Variants in PDS5B observed in about 807,000 individuals in gnomAD.
The protein encoded by PDS5B is sister chromatid cohesion protein PDS5 homolog B.
PDS5B carries 51 observed loss-of-function variants against 184.1 expected under a neutral mutation model. That is an observed-to-expected ratio of 0.28 (90% CI 0.22 to 0.35). PDS5B has a LOEUF of 0.35. Among genes scored for constraint, PDS5B ranks in the 10% least tolerant of loss-of-function variants. PDS5B has a pLI of 1.00. For missense variants in PDS5B, 1,180 were observed against 1,723.3 expected, an observed-to-expected ratio of 0.68 and a Z score of 5.58; for synonymous variants, 566 against 569.2, an observed-to-expected ratio of 0.99 and a Z score of 0.08.
chr13:32,588,206 C>G (rs542199902), intron 1 of PDS5B, among the ~76,000 whole-genome samples: 74 of 152,138 alleles, frequency 4.9e-4, no homozygotes, highest in Non-Finnish European at 9.1e-4. Context: ...GTTCGTGCAA[C>G]AATTAATCTT....
intron 24 of PDS5B, among the ~76,000 whole-genome samples, chr13:32,748,983 G>T: frequency 6.6e-6 from 1 of 151,628 alleles, no homozygotes; most frequent in African/African-American, 2.4e-5. Context: ...CTTTTTTATT[G>T]TTGGTAAATT....
intron 11 of PDS5B, among the ~76,000 whole-genome samples, chr13:32,684,429 A>T (rs1951330748): frequency 6.6e-6 from 1 of 152,192 alleles, no homozygotes. Flanking sequence ...ATTATAATCA[A>T]CATGGAATAG....
chr13:32,621,397 G>C (rs2058299346), intron 1 of PDS5B, among the ~76,000 whole-genome samples: 1 of 152,190 alleles, frequency 6.6e-6, no homozygotes, highest in Admixed American at 6.5e-5. Context: ...AGCCTGGGAG[G>C]CAGAGGTTGC....
At chr13:32,633,843 C>A (rs2058496440) in intron 1 of PDS5B, among the ~76,000 whole-genome samples, 1 of 152,138 alleles carries the variant, frequency 6.6e-6, no homozygotes, top group Non-Finnish European at 1.5e-5. Context: ...TAGTTGTACT[C>A]TCATTTGTCC....
At chr13:32,663,088 A>C (rs1342201023) in intron 6 of PDS5B, among the ~76,000 whole-genome samples, 1 of 152,172 alleles carries the variant, frequency 6.6e-6, no homozygotes, top group Non-Finnish European at 1.5e-5. Flanking sequence ...CCTATAAAAC[A>C]AAACTCTTCT....
rs71194535 is a variant in PDS5B at position 32,768,792 on chromosome 13, CA to C, written c.3625-1315del. 4.1e-3 allele frequency among the ~76,000 whole-genome samples: 189 copies of C among 46,094 alleles called. 1 individual carries two copies. Among genetic ancestry groups the C allele is most frequent in the Middle Eastern group, 0.014 (1 of 74 alleles). The allele number at this position is 46,094 out of a possible 152,430, so 30.2% of individuals were successfully genotyped here. A position where few individuals can be genotyped will look rare whatever the true frequency, so the allele number is the denominator to read the frequency against. On this transcript the variant is annotated intron_variant, in intron 31 of 34. Coordinates refer to ENST00000315596, the MANE Select transcript of PDS5B (RefSeq NM_015032.4). ...TGGGTGACAGAGCGAGACTCTGTCT[CA>C]AAAAAAAAAAAAAGAAAAAAAAAAA... is the stretch of plus-strand genomic sequence containing the variant.
intron 19 of PDS5B, among the ~76,000 whole-genome samples, chr13:32,716,691 A>C: frequency 8.2e-6 from 1 of 121,960 alleles, no homozygotes; most frequent in Admixed American, 7.9e-5. Flanking sequence ...CCGCCCGGCC[A>C]GCTGCCCCGT....
At chr13:32,720,497 A>C (rs1343703723) in intron 19 of PDS5B, among the ~76,000 whole-genome samples, 1 of 152,240 alleles carries the variant, frequency 6.6e-6, no homozygotes, top group Non-Finnish European at 1.5e-5. Flanking sequence ...GTATAAAGTC[A>C]TGTACTGCAT....
chr13:32,685,145 A>G (rs1371430160), intron 11 of PDS5B, among the ~76,000 whole-genome samples: 2 of 152,194 alleles, frequency 1.3e-5, no homozygotes, highest in Non-Finnish European at 2.9e-5. Flanking sequence ...TGATCATGCC[A>G]TCTCCCTTGT....
chr13:32,684,134 A>C (rs1951323036), intron 11 of PDS5B, 111 bp downstream of exon 11: 1 of 433,874 alleles, frequency 2.3e-6, no homozygotes. Flanking sequence ...AGCCTTTTTT[A>C]GGGGTATGGA....
At position 32,679,911 on chromosome 13, in the gene PDS5B, G is replaced by GTGTGTGTC. The variant is rs1042339754; in HGVS notation, c.1057+987_1057+988insGTCTGTGT. On this transcript the variant is annotated intron_variant, in intron 10 of 34. Coordinates refer to ENST00000315596, the MANE Select transcript of PDS5B (RefSeq NM_015032.4). ...TGTGTGTGTGTGTGTGTGTGTGTGT[G>GTGTGTGTC]TGTGTCTGTTTCTACACCTCCCCTT... 1.6e-3 allele frequency among the ~76,000 whole-genome samples: 234 copies of GTGTGTGTC among 150,496 alleles called. 1 individual carries two copies. The highest frequency in any genetic ancestry group is 5.3e-3 in the African/African-American group (212 of 40,332).
intron 19 of PDS5B, among the ~76,000 whole-genome samples, chr13:32,722,911 G>T (rs536163285): frequency 5.9e-5 from 9 of 152,274 alleles, no homozygotes; most frequent in African/African-American, 2.2e-4. Flanking sequence ...GTCTTGCAGT[G>T]GAAGAAATTA....
At chr13:32,701,201 C>T in intron 16 of PDS5B, 122 bp from the exon 17 acceptor site, 2 of 558,188 alleles carry the variant, frequency 3.6e-6, no homozygotes, top group Admixed American at 3.4e-5. Context: ...TTGTTCAATT[C>T]TTACAGTTTG....
At position 32,629,814 on chromosome 13, in the gene PDS5B, C is replaced by G. The variant is rs556684903; in HGVS notation, c.-19-18940C>G. Reference sequence around the variant, plus strand: ...TTCTGCCATTTGGGAACTTTCTGATCTTGGGCAAAATCAGCGAATTTCTCT... The same window carrying G: ...TTCTGCCATTTGGGAACTTTCTGATGTTGGGCAAAATCAGCGAATTTCTCT... On this transcript the variant is annotated intron_variant, in intron 1 of 34. Transcript: ENST00000315596. 3.9e-5 allele frequency among the ~76,000 whole-genome samples: 6 copies of G among 152,244 alleles called. No homozygotes were observed. In the South Asian group the frequency reaches 1.2e-3, roughly 32 times the overall value.
At chr13:32,666,593 A>G (rs1025880432) in intron 6 of PDS5B, among the ~76,000 whole-genome samples, 2 of 119,590 alleles carry the variant, frequency 1.7e-5, no homozygotes, top group African/African-American at 6.9e-5. Flanking sequence ...TAGTTGTTAC[A>G]TATCCATAAA....
At chr13:32,742,957 C>G (rs139150024) in intron 23 of PDS5B, among the ~76,000 whole-genome samples, 6 of 150,138 alleles carry the variant, frequency 4.0e-5, no homozygotes, top group East Asian at 1.9e-4. Context: ...ACAATAGATT[C>G]TTACATTTTA....
At chr13:32,622,466 T>G (rs1415324861) in intron 1 of PDS5B, among the ~76,000 whole-genome samples, 1 of 152,186 alleles carries the variant, frequency 6.6e-6, no homozygotes, top group African/African-American at 2.4e-5. Context: ...AGATTGTCAT[T>G]AGTTTTTGTA....
intron 10 of PDS5B, among the ~76,000 whole-genome samples, chr13:32,680,301 CT>C (rs1951203379): frequency 6.6e-6 from 1 of 152,106 alleles, no homozygotes; most frequent in African/African-American, 2.4e-5. Context: ...AAGCTGTAAA[CT>C]ATTTGGAACA....
chr13:32,661,258 C>A (rs1593363397), intron 6 of PDS5B, among the ~76,000 whole-genome samples: 1 of 151,648 alleles, frequency 6.6e-6, no homozygotes, highest in Non-Finnish European at 1.5e-5. Flanking sequence ...GCAGCATGCG[C>A]TTATAATCCC....
Sources: gnomAD v4.1 joint callset for allele counts (sites outside exome capture counted in the v4.1 genomes callset) on GRCh38, gnomAD v4.1.1 for gene constraint, MANE v1.5 for transcripts, NCBI Gene and HGNC (gene_info 2026-07-23, HGNC 2026-07-21) for gene names.